The following DNAJB14 variants were observed in gnomAD, a reference collection of about 807,000 sequenced individuals.
DNAJB14 encodes the protein dnaJ homolog subfamily B member 14.
Under a neutral mutation model 48.4 loss-of-function variants are expected in DNAJB14, and 22 were observed. That is an observed-to-expected ratio of 0.45 (90% confidence interval 0.32 to 0.65). The LOEUF (loss-of-function observed/expected upper bound fraction) is 0.65. Among genes scored for constraint, DNAJB14 ranks in the 30% least tolerant of loss-of-function variants. The pLI is 0.03. For synonymous variants in DNAJB14, 142 were observed against 158.7 expected, an observed-to-expected ratio of 0.89 and a Z score of 0.79; for missense variants, 319 against 458.8, an observed-to-expected ratio of 0.70 and a Z score of 2.78.
intron 1 of DNAJB14, among the ~76,000 whole-genome samples, chr4:99,945,376 C>T (rs1449906257): frequency 6.6e-6 from 1 of 152,062 alleles, no homozygotes; most frequent in Non-Finnish European, 1.5e-5. Flanking sequence ...AACAAGTGGC[C>T]CCATATTTTC....
intron 1 of DNAJB14, among the ~76,000 whole-genome samples, chr4:99,936,734 C>A (rs942036893): frequency 2.6e-5 from 4 of 152,088 alleles, no homozygotes; most frequent in African/African-American, 7.2e-5. Flanking sequence ...CAGGAGCCAG[C>A]CTGAAGGGGC....
intron 3 of DNAJB14, among the ~76,000 whole-genome samples, chr4:99,915,392 C>A (rs547238563): frequency 6.6e-6 from 1 of 152,312 alleles, no homozygotes; most frequent in East Asian, 1.9e-4. Context: ...CCACCTCGGC[C>A]TCCCAAAGTG....
chr4:99,923,557 T>C (rs1726136653), intron 2 of DNAJB14: 1 of 557,920 alleles, frequency 1.8e-6, no homozygotes, highest in African/African-American at 2.1e-5. Flanking sequence ...ATTCCAAAAC[T>C]CCTCAAAAGT....
chr4:99,902,398 G>C (rs183990911), intron 7 of DNAJB14, among the ~76,000 whole-genome samples: 6 of 152,100 alleles, frequency 3.9e-5, no homozygotes, highest in Non-Finnish European at 7.4e-5. Flanking sequence ...GGGTGGGGTG[G>C]GGGAAGGGTG....
intron 1 of DNAJB14, among the ~76,000 whole-genome samples, chr4:99,943,058 C>A (rs1480009624): frequency 6.6e-6 from 1 of 152,034 alleles, no homozygotes; most frequent in Non-Finnish European, 1.5e-5. Flanking sequence ...TAAATTGTAC[C>A]AATAAACATC....
At chr4:99,910,915 G>T (rs1026373473) in intron 3 of DNAJB14, among the ~76,000 whole-genome samples, 7 of 151,646 alleles carry the variant, frequency 4.6e-5, no homozygotes, top group African/African-American at 1.7e-4. Flanking sequence ...GTAATATTTT[G>T]CAAAATTATC....
intron 1 of DNAJB14, among the ~76,000 whole-genome samples, chr4:99,941,678 G>A (rs1332682041): frequency 6.6e-6 from 1 of 151,980 alleles, no homozygotes; most frequent in Non-Finnish European, 1.5e-5. Flanking sequence ...ATATTGTCTG[G>A]GACAGAAAAA....
intron 7 of DNAJB14, 84 bp from the exon 8 acceptor site, chr4:99,901,236 C>G (rs1356473628): frequency 1.7e-6 from 2 of 1,211,312 alleles, no homozygotes; most frequent in Admixed American, 6.1e-5. Flanking sequence ...TTTACAGGAG[C>G]CCTTTGATAT....
chr4:99,903,930 A>G (rs1240039534), intron 6 of DNAJB14, 32 bp from the exon 7 acceptor site: 11 of 1,589,038 alleles, frequency 6.9e-6, no homozygotes, highest in Non-Finnish European at 8.6e-6. Context: ...ATTTTAATTA[A>G]AATTGGACAT....
intron 2 of DNAJB14, chr4:99,923,885 A>G (rs1726152035): frequency 1.0e-6 from 1 of 984,990 alleles, no homozygotes; most frequent in East Asian, 1.1e-4. Context: ...TCTCTGAAAA[A>G]GATAACATCT....
rs1031619941 is a variant in DNAJB14 at position 99,924,784 on chromosome 4, T to A, written c.306-1599A>T. The A allele has an allele frequency of 2.3e-5, 37 of 1,607,182 alleles. 1 individual carries two copies. The highest frequency in any genetic ancestry group is 3.0e-5 in the Non-Finnish European group (35 of 1,174,206). On this transcript the variant is annotated intron_variant, in intron 2 of 7. Transcript: ENST00000442697. ...CTGTGTGTTAGGTACAGGTCCACCATCCCATATCAATGTTCCAATATCCAT... is the reference window on the plus strand; with the variant it reads ...CTGTGTGTTAGGTACAGGTCCACCAACCCATATCAATGTTCCAATATCCAT...
In DNAJB14 at chr4:99,908,614, T is replaced by C. The variant is rs188822300; in HGVS notation, c.637+97A>G. On this transcript the variant is annotated intron_variant, in intron 4 of 7. Transcript: ENST00000442697. ...TACAGGATCGTAACACTACAAGAAA[T>C]GTAGGGGAAAAGGTAGATACATCTC... 2.6e-4 allele frequency: 239 copies of C among 936,296 alleles called. 2 individuals are homozygous for C. The East Asian group carries it at 5.8e-3, about 23-fold the overall frequency. 58.0% of individuals were successfully genotyped at this position (936,296 alleles called of 1,614,324 possible).
chr4:99,912,333 T>C (rs1329030173), intron 3 of DNAJB14, among the ~76,000 whole-genome samples: 1 of 152,206 alleles, frequency 6.6e-6, no homozygotes, highest in East Asian at 1.9e-4. Flanking sequence ...TACATTCTTT[T>C]AACAGAAATA....
At chr4:99,938,343 C>CTTTT (rs200523338) in intron 1 of DNAJB14, among the ~76,000 whole-genome samples, 3 of 120,096 alleles carry the variant, frequency 2.5e-5, no homozygotes, top group African/African-American at 9.2e-5. Flanking sequence ...TGGACATGTG[C>CTTTT]TTTTTTTTTT....
intron 1 of DNAJB14, among the ~76,000 whole-genome samples, chr4:99,936,205 T>C (rs532294104): frequency 6.6e-5 from 10 of 152,310 alleles, no homozygotes; most frequent in Non-Finnish European, 1.2e-4. Flanking sequence ...ATGAAGCAAT[T>C]TGTTACATAA....
chr4:99,905,020 CT>C (rs1725416361), intron 6 of DNAJB14, among the ~76,000 whole-genome samples: 1 of 151,412 alleles, frequency 6.6e-6, no homozygotes, highest in Non-Finnish European at 1.5e-5. Context: ...TCTTTATATG[CT>C]TCTTATTTAT....
chr4:99,923,724 T>C, intron 2 of DNAJB14: 2 of 973,190 alleles, frequency 2.1e-6, no homozygotes, highest in Non-Finnish European at 2.4e-6. Flanking sequence ...TTGATATAGA[T>C]GGGGTCTTGT....
At chr4:99,905,873 C>A (rs1342165566) in intron 5 of DNAJB14, 167 bp from the exon 6 acceptor site, 1 of 794,748 alleles carries the variant, frequency 1.3e-6, no homozygotes, top group Admixed American at 6.2e-5. Flanking sequence ...TATAATTATC[C>A]AGGCATATCA....
chr4:99,929,871 T>C (rs1726398582), intron 2 of DNAJB14: 1 of 152,210 alleles, frequency 6.6e-6, no homozygotes, highest in African/African-American at 2.4e-5. Context: ...TCTCTAGTGT[T>C]TCAAACTCAA....
Sources: allele counts gnomAD v4.1 joint callset (sites outside exome capture counted in the v4.1 genomes callset), GRCh38; gene constraint gnomAD v4.1.1; transcripts MANE v1.5; gene names NCBI Gene and HGNC (gene_info 2026-07-23, HGNC 2026-07-21).